Variants in RARB observed in about 807,000 individuals in gnomAD.
RARB encodes HBV-activated protein.
RARB carries 17 observed loss-of-function variants against 51.9 expected under a neutral mutation model. The observed-to-expected ratio is 0.33, with a 90% CI of 0.22 to 0.49. The LOEUF is 0.49. Among genes scored for constraint, RARB ranks in the 20% least tolerant of loss-of-function variants. The pLI is 0.99. For missense variants in RARB, 369 were observed against 550.8 expected (o/e 0.67, Z 3.30); for synonymous variants, 215 against 195.4 (o/e 1.10, Z -0.84).
At chr3:25,191,017 C>T (rs757121570) in intron 5 of RARB, among the ~76,000 whole-genome samples, 1 of 151,464 alleles carries the variant, frequency 6.6e-6, no homozygotes, top group African/African-American at 2.4e-5. Context: ...CTTAGGTTCA[C>T]GTTTGTTTTG....
intron 5 of RARB, among the ~76,000 whole-genome samples, chr3:25,278,471 G>A (rs995617203): frequency 6.6e-6 from 1 of 152,102 alleles, no homozygotes; most frequent in Non-Finnish European, 1.5e-5. Flanking sequence ...TATAACAGTG[G>A]TTCTTCACTC....
At chr3:24,921,597 T>G (rs1308195547) in intron 2 of RARB, among the ~76,000 whole-genome samples, 2 of 152,066 alleles carry the variant, frequency 1.3e-5, no homozygotes, top group Non-Finnish European at 2.9e-5. Context: ...CTTTTCTGCT[T>G]CTTATCTCAG....
chr3:25,534,333 G>A (rs879258113), intron 3 of RARB, among the ~76,000 whole-genome samples: 6 of 152,096 alleles, frequency 3.9e-5, no homozygotes, highest in African/African-American at 7.2e-5. Flanking sequence ...TTTGTACCTG[G>A]TATATAGTAA....
At chr3:25,342,151 G>A (rs1705247640) in intron 5 of RARB, among the ~76,000 whole-genome samples, 1 of 152,156 alleles carries the variant, frequency 6.6e-6, no homozygotes, top group African/African-American at 2.4e-5. Flanking sequence ...AAGTTGTTAA[G>A]CAGACTGCAG....
At chr3:25,157,243 T>C (rs931866050) in intron 4 of RARB, among the ~76,000 whole-genome samples, 1 of 152,122 alleles carries the variant, frequency 6.6e-6, no homozygotes, top group African/African-American at 2.4e-5. Flanking sequence ...CTTAAACTTA[T>C]CAGGTATTTT....
At chr3:24,970,843 A>G (rs1166226265) in intron 2 of RARB, among the ~76,000 whole-genome samples, 1 of 152,050 alleles carries the variant, frequency 6.6e-6, no homozygotes, top group Non-Finnish European at 1.5e-5. Flanking sequence ...AGTCATGAGA[A>G]TAGAAAGACT....
chr3:25,341,266 G>T (rs1705218549), intron 5 of RARB, among the ~76,000 whole-genome samples: 1 of 152,144 alleles, frequency 6.6e-6, no homozygotes, highest in South Asian at 2.1e-4. Flanking sequence ...AAGTACAGAG[G>T]CTGTCCATAA....
intron 5 of RARB, among the ~76,000 whole-genome samples, chr3:25,194,943 A>G (rs1701195673): frequency 6.6e-6 from 1 of 152,066 alleles, no homozygotes; most frequent in South Asian, 2.1e-4. Context: ...GGAAAAGGAC[A>G]CTAATTCATA....
chr3:25,522,433 T>G (rs1319031187), intron 3 of RARB, among the ~76,000 whole-genome samples: 1 of 152,152 alleles, frequency 6.6e-6, no homozygotes, highest in Non-Finnish European at 1.5e-5. Context: ...ACCGCTTGTC[T>G]CTGGCTTTTC....
intron 2 of RARB, among the ~76,000 whole-genome samples, chr3:24,922,405 A>T (rs938003503): frequency 2.0e-5 from 3 of 152,228 alleles, no homozygotes; most frequent in African/African-American, 7.2e-5. Context: ...TCAAGCACTT[A>T]GATTTTTCCA....
intron 2 of RARB, among the ~76,000 whole-genome samples, chr3:24,892,585 C>G (rs1268569299): frequency 6.6e-6 from 1 of 152,148 alleles, no homozygotes; most frequent in African/African-American, 2.4e-5. Flanking sequence ...ATGGCCAAAA[C>G]ATATTCATTT....
chr3:24,839,385 T>C (rs1702388186), intron 1 of RARB, among the ~76,000 whole-genome samples: 1 of 151,900 alleles, frequency 6.6e-6, no homozygotes, highest in Non-Finnish European at 1.5e-5. Context: ...TAAATTGTGA[T>C]GAATTATCCA....
At chr3:25,245,820 A>G (rs565895552) in intron 5 of RARB, among the ~76,000 whole-genome samples, 6 of 152,172 alleles carry the variant, frequency 3.9e-5, no homozygotes, top group Admixed American at 2.6e-4. Flanking sequence ...CTTGAGGAGT[A>G]TCTTTATGGT....
At chr3:25,392,263 C>G (rs1167549763) in intron 5 of RARB, among the ~76,000 whole-genome samples, 1 of 152,136 alleles carries the variant, frequency 6.6e-6, no homozygotes, top group Non-Finnish European at 1.5e-5. Flanking sequence ...TACTTTTATA[C>G]CAGTACCATG....
At chr3:24,863,533 C>A (rs550823102) in intron 2 of RARB, among the ~76,000 whole-genome samples, 1 of 152,194 alleles carries the variant, frequency 6.6e-6, no homozygotes, top group South Asian at 2.1e-4. Flanking sequence ...AAGATCATGT[C>A]AGCGTAACCT....
At chr3:25,472,012 G>T (rs1344605799) in intron 2 of RARB, among the ~76,000 whole-genome samples, 2 of 152,052 alleles carry the variant, frequency 1.3e-5, no homozygotes, top group Non-Finnish European at 2.9e-5. Flanking sequence ...CTCCCCACCC[G>T]CGTACCTATG....
intron 4 of RARB, among the ~76,000 whole-genome samples, chr3:25,139,963 G>T (rs1700084123): frequency 2.0e-5 from 3 of 152,050 alleles, no homozygotes; most frequent in Admixed American, 1.3e-4. Flanking sequence ...TTTGCAGCCA[G>T]GTTTACTTAA....
At chr3:25,134,038 G>A (rs1198757311) in intron 4 of RARB, among the ~76,000 whole-genome samples, 2 of 149,282 alleles carry the variant, frequency 1.3e-5, no homozygotes, top group African/African-American at 4.9e-5. Flanking sequence ...CTAACAATGT[G>A]CTCTTCTATT....
intron 2 of RARB, among the ~76,000 whole-genome samples, chr3:25,471,135 G>A (rs975418232): frequency 3.3e-5 from 5 of 152,286 alleles, no homozygotes; most frequent in African/African-American, 9.6e-5. Context: ...ATACATTCAT[G>A]TAAACATTCA....
Sources: gnomAD v4.1 joint callset for allele counts (sites outside exome capture counted in the v4.1 genomes callset) on GRCh38, gnomAD v4.1.1 for gene constraint, MANE v1.5 for transcripts, NCBI Gene and HGNC (gene_info 2026-07-23, HGNC 2026-07-21) for gene names.